The following TBC1D8B variants were observed in gnomAD, a reference collection of about 807,000 sequenced individuals.
TBC1D8B encodes TBC1 domain family member 8B, also known as RP11-321G1.1.
In TBC1D8B, 75 loss-of-function variants were observed where a neutral mutation model predicts 82.9. That is an observed-to-expected ratio of 0.90 (90% CI 0.75 to 1.10). TBC1D8B has a LOEUF of 1.10. Among genes scored for constraint, TBC1D8B ranks in the 50% least tolerant of loss-of-function variants. The pLI is 0.00. For missense variants in TBC1D8B, 794 were observed against 796.9 expected, an observed-to-expected ratio of 1.00 and a Z score of 0.04; for synonymous variants, 276 against 276.8, an observed-to-expected ratio of 1.00 and a Z score of 0.03.
chrX:106,825,050 G>A (rs1368496914), intron 5 of TBC1D8B, among the ~76,000 whole-genome samples: 1 of 110,800 alleles, frequency 9.0e-6, no homozygotes, highest in Non-Finnish European at 1.9e-5. Flanking sequence ...TTGTATCATG[G>A]ACAACTTTCT....
intron 14 of TBC1D8B, among the ~76,000 whole-genome samples, chrX:106,864,588 G>A (rs1424961050): frequency 1.0e-5 from 1 of 97,737 alleles, no homozygotes; most frequent in African/African-American, 3.9e-5. Context: ...GCATGATCTC[G>A]GCTCACTGCA....
At chrX:106,853,457 G>A in intron 12 of TBC1D8B, 64 bp from the exon 13 acceptor site, 1 of 1,080,738 alleles carries the variant, frequency 9.3e-7, no homozygotes, top group Non-Finnish European at 1.3e-6. Context: ...GAAATTATGT[G>A]TCATTTCTCT....
rs1044225669 is a variant in TBC1D8B, at chrX:106,875,001, T to C, written c.*1036T>C. The C allele has an allele frequency of 1.3e-4, 15 of 111,846 alleles. No homozygotes were observed. Among genetic ancestry groups the C allele is most frequent in the African/African-American group, 4.9e-4 (15 of 30,696 alleles). 9.2% of individuals were successfully genotyped at this position (111,846 alleles called of 1,213,427 possible). A position where few individuals can be genotyped will look rare whatever the true frequency, so the allele number is the denominator to read the frequency against. The stretch of plus-strand genomic sequence containing the variant: ...GAATTGCTGACATCTGTCTAAAAAG[T>C]TTTGACTATCCAATTTAGATGTGTA... On this transcript the variant is annotated 3_prime_UTR_variant, in exon 21 of 21. Coordinates refer to ENST00000357242, the MANE Select transcript of TBC1D8B (RefSeq NM_017752.3).
At position 106,827,162 on chromosome X, in the gene TBC1D8B, C is replaced by A. The variant is rs1038633351; in HGVS notation, c.1036-8C>A. The A allele has an allele frequency of 1.2e-5, 14 of 1,199,562 alleles. No homozygotes were observed. The African/African-American group carries it at 1.9e-4, about 17-fold the overall frequency. Reference sequence around the variant, plus strand: ...ATTTAATTGACCTCTATGTTTTTCACCCCCTAGGTCTTAGCTATAGATAAG... The same window carrying A: ...ATTTAATTGACCTCTATGTTTTTCAACCCCTAGGTCTTAGCTATAGATAAG... On this transcript the variant is annotated splice_polypyrimidine_tract_variant and splice_region_variant and intron_variant, in intron 6 of 20. Transcript: ENST00000357242.
intron 10 of TBC1D8B, among the ~76,000 whole-genome samples, chrX:106,846,529 C>A (rs777792302): frequency 9.9e-5 from 11 of 111,203 alleles, no homozygotes; most frequent in African/African-American, 3.6e-4. Flanking sequence ...TAAATGCTAC[C>A]TGAATTGCTG....
intron 14 of TBC1D8B, 160 bp from the exon 15 acceptor site, chrX:106,865,399 T>G (rs1293915487): frequency 3.7e-6 from 1 of 269,934 alleles, no homozygotes; most frequent in Non-Finnish European, 6.4e-6. Flanking sequence ...GATAATAACT[T>G]TATAATATAA....
At position 106,817,536 on chromosome X, in the gene TBC1D8B, G is replaced by A. The variant is rs780546357; in HGVS notation, c.131-1127G>A. On this transcript the variant is annotated intron_variant, in intron 1 of 20. Transcript: ENST00000357242. ...TAAAATATTGTATAAAATTATCTTC[G>A]GGCTATATGTATAAGGTATATATGA... Among the ~76,000 whole-genome samples, 15 of 111,211 alleles carry A rather than the reference G, an allele frequency of 1.3e-4. No homozygotes were observed. In the South Asian group the frequency reaches 4.5e-3, roughly 33 times the overall value.
In TBC1D8B at chrX:106,818,695, G is replaced by A. The variant is rs146981109; in HGVS notation, c.163G>A (p.Asp55Asn). 99 of 1,205,973 alleles carry A rather than the reference G, an allele frequency of 8.2e-5. No individual in the cohort carries two copies. Among genetic ancestry groups the A allele is most frequent in the Non-Finnish European group, 1.0e-4 (92 of 893,098 alleles). The stretch of plus-strand genomic sequence containing the variant: ...GGTTGGGACTCTTGATTCAGTCTTG[G>A]ACTCTACTGCTAAAGTAGCTCCATT... The part of the protein sequence containing the change: ...LLVGTLDSVL[D>N]STAKVAPFRI... Residue 55 changes from aspartate (D) to asparagine (N), a missense_variant, in exon 2 of 21, where the codon GAC becomes AAC. Coordinates refer to ENST00000357242, the MANE Select transcript of TBC1D8B (RefSeq NM_017752.3).
chrX:106,834,659 A>G (rs1400222029), intron 7 of TBC1D8B, among the ~76,000 whole-genome samples: 1 of 112,260 alleles, frequency 8.9e-6, no homozygotes, highest in African/African-American at 3.2e-5. Context: ...TACTTCCTAG[A>G]GACAATGGGG....
intron 11 of TBC1D8B, chrX:106,849,341 C>G: frequency 3.6e-6 from 4 of 1,096,394 alleles, no homozygotes; most frequent in Non-Finnish European, 4.8e-6. Flanking sequence ...CTGGCATGCT[C>G]TTTCTCCAAT....
chrX:106,862,776 G>GGTTTTTTTTTT (rs1932785338), intron 14 of TBC1D8B, among the ~76,000 whole-genome samples: 1 of 37,298 alleles, frequency 2.7e-5, no homozygotes, highest in Non-Finnish European at 4.4e-5. Flanking sequence ...GTTTTTTTTT[G>GGTTTTTTTTTT]TTTTTTTTTT....
At chrX:106,868,190 A>G (rs979179960) in intron 17 of TBC1D8B, among the ~76,000 whole-genome samples, 19 of 110,078 alleles carry the variant, frequency 1.7e-4, no homozygotes, top group Non-Finnish European at 3.2e-4. Context: ...TGTATTTACT[A>G]TATTTTATAT....
At chrX:106,831,586 A>T (rs1932047811) in intron 7 of TBC1D8B, among the ~76,000 whole-genome samples, 1 of 112,048 alleles carries the variant, frequency 8.9e-6, no homozygotes, top group Admixed American at 9.5e-5. Flanking sequence ...TCAAAGCTCA[A>T]CATATCTTTC....
intron 20 of TBC1D8B, among the ~76,000 whole-genome samples, chrX:106,873,251 C>T (rs1932862048): frequency 9.0e-6 from 1 of 111,161 alleles, no homozygotes; most frequent in Non-Finnish European, 1.9e-5. Context: ...GTGCCTGCCA[C>T]CACGCCCAGC....
intron 16 of TBC1D8B, 92 bp from the exon 17 acceptor site, chrX:106,866,705 C>A: frequency 1.6e-6 from 1 of 633,138 alleles, no homozygotes; most frequent in Non-Finnish European, 2.3e-6. Context: ...TAATTTTTGA[C>A]TAATGTCTAT....
rs1466212138 is a variant in TBC1D8B, at chrX:106,834,040, T to G, written c.1204-5268T>G. Among the ~76,000 whole-genome samples the G allele has an allele frequency of 1.8e-4, 20 of 111,631 alleles. 1 individual carries two copies. The highest frequency in any genetic ancestry group is 2.9e-4 in the Admixed American group (3 of 10,518). The stretch of plus-strand genomic sequence containing the variant: ...ATCATTAATTTTTCCTTTATTGGCT[T>G]CTTCTACCTTACCCTTTCATTTACA... On this transcript the variant is annotated intron_variant, in intron 7 of 20. Transcript: ENST00000357242.
In TBC1D8B at chrX:106,839,317, A is replaced by G. The variant is rs779481955; in HGVS notation, c.1213A>G (p.Ser405Gly). Residue 405 changes from serine to glycine, a missense_variant, in exon 8 of 21, where the codon AGT becomes GGT. Ser to Gly is a moderately conservative substitution (Grantham distance 56, BLOSUM62 0). Transcript: ENST00000357242. ...ATTCTTTCTTTTTCAGCTTGCTATT[A>G]GTTCTGAGTCTACAGAGCCATCTGA... is the stretch of plus-strand genomic sequence containing the variant. ...YHDISTELAI[S>G]SESTEPSDNF... 3.5e-6 allele frequency: 4 copies of G among 1,148,813 alleles called. No homozygotes were observed. In the Admixed American group the frequency reaches 1.1e-4, roughly 31 times the overall value. 94.7% of individuals were successfully genotyped at this position (1,148,813 alleles called of 1,213,427 possible). A position where few individuals can be genotyped will look rare whatever the true frequency, so the allele number is the denominator to read the frequency against.
rs1402641217 is a variant in TBC1D8B at position 106,850,107 on chromosome X, A to G, written c.1920A>G (p.Thr640=). ...PQLTEHMTDM[T]FFSSVSLSWF... ...TGACAGAACACATGACTGATATGAC[A>G]TTCTTTTCCTCAGTTTCTCTCTCTT... The change falls in exon 12 of 21, where the codon ACA becomes ACG. Residue 640 remains threonine (T), a synonymous_variant. Transcript: ENST00000357242. 2.5e-6 allele frequency: 3 copies of G among 1,209,928 alleles called. No individual in the cohort carries two copies. Among genetic ancestry groups the G allele is most frequent in the Non-Finnish European group, 3.4e-6 (3 of 895,034 alleles).
chrX:106,823,740 G>A (rs1308821852), intron 5 of TBC1D8B, among the ~76,000 whole-genome samples: 1 of 111,725 alleles, frequency 9.0e-6, no homozygotes, highest in African/African-American at 3.2e-5. Flanking sequence ...AATGCTTTTA[G>A]AAATGCAGAG....
Sources: allele counts gnomAD v4.1 joint callset (sites outside exome capture counted in the v4.1 genomes callset), GRCh38; gene constraint gnomAD v4.1.1; transcripts MANE v1.5; gene names NCBI Gene and HGNC (gene_info 2026-07-23, HGNC 2026-07-21).